WDR72: variants seen among roughly 807,000 people sequenced by gnomAD.
WDR72 encodes WD repeat-containing protein 72.
WDR72 carries 120 observed loss-of-function variants against 124.2 expected under a neutral mutation model. The ratio of observed to expected loss-of-function variants is 0.97; its 90% CI spans 0.83 to 1.12. The LOEUF (loss-of-function observed/expected upper bound fraction) is 1.12, where lower values mean the gene tolerates loss of function less well. Ranked by LOEUF, WDR72 falls within the 50% of genes most tolerant of loss-of-function variation. WDR72 has a pLI of 0.00. For synonymous variants in WDR72, 452 were observed against 441.7 expected (o/e 1.02, Z -0.29); for missense variants, 1,387 against 1,278.8 (o/e 1.08, Z -1.29).
chr15:53,744,055 G>A (rs2018581161), intron 1 of WDR72, among the ~76,000 whole-genome samples: 1 of 151,854 alleles, frequency 6.6e-6, no homozygotes, highest in Non-Finnish European at 1.5e-5. Flanking sequence ...GTGCAGTAAC[G>A]TTTCTGTTTT....
Position 53,715,987 on chromosome 15 carries a change from C to T in WDR72, c.339+620G>A, listed in dbSNP as rs537279019. ...AGTAATGCATTCTACTTTCAACCAG[C>T]TCTCTCTGTGCAGGGTTTTATTTCC... On this transcript the variant is annotated intron_variant, in intron 4 of 19. Transcript: ENST00000360509. 9.8e-5 allele frequency among the ~76,000 whole-genome samples: 15 copies of T among 152,326 alleles called. No homozygotes were observed. The South Asian group carries it at 2.9e-3, about 29-fold the overall frequency.
chr15:53,684,892 G>A (rs1447288215), intron 13 of WDR72, among the ~76,000 whole-genome samples: 1 of 152,202 alleles, frequency 6.6e-6, no homozygotes, highest in Admixed American at 6.5e-5. Flanking sequence ...TCCTCAAGTG[G>A]GTGCCTGACC....
chr15:53,720,020 G>A (rs958125091), intron 3 of WDR72, among the ~76,000 whole-genome samples: 1 of 151,904 alleles, frequency 6.6e-6, no homozygotes, highest in African/African-American at 2.4e-5. Context: ...ATTTTGATTA[G>A]TATACATATG....
chr15:53,514,689 C>G lies in WDR72; in HGVS notation c.*3010G>C, dbSNP rs927167447. 19 of 151,996 alleles carry G rather than the reference C, an allele frequency of 1.3e-4. No homozygotes were observed. Among genetic ancestry groups the G allele is most frequent in the African/African-American group, 4.6e-4 (19 of 41,396 alleles). The allele number at this position is 151,996 out of a possible 1,614,324, so 9.4% of individuals were successfully genotyped here. A position where few individuals can be genotyped will look rare whatever the true frequency, so the allele number is the denominator to read the frequency against. On this transcript the variant is annotated 3_prime_UTR_variant, in exon 20 of 20. Coordinates refer to ENST00000360509, the MANE Select transcript of WDR72 (RefSeq NM_182758.4). ...GTAACAGAATGTTTGATACCTGGGG[C>G]TACTTTTTAACTGTGTGTTTCTAAC...
At chr15:53,744,725 T>C (rs1325431547) in intron 1 of WDR72, among the ~76,000 whole-genome samples, 1 of 152,178 alleles carries the variant, frequency 6.6e-6, no homozygotes, top group Non-Finnish European at 1.5e-5. Flanking sequence ...TAATATTTCT[T>C]ATATGATGTG....
chr15:53,521,361 A>G (rs1891784553), intron 19 of WDR72, among the ~76,000 whole-genome samples: 1 of 152,026 alleles, frequency 6.6e-6, no homozygotes, highest in Non-Finnish European at 1.5e-5. Context: ...ATGACAACCA[A>G]GCCACAAATT....
At chr15:53,688,947 A>G (rs560631078) in intron 13 of WDR72, among the ~76,000 whole-genome samples, 1 of 152,328 alleles carries the variant, frequency 6.6e-6, no homozygotes, top group East Asian at 1.9e-4. Context: ...CAAACCTGAG[A>G]AAAACAAGAA....
At chr15:53,588,459 A>T (rs1021628891) in intron 18 of WDR72, among the ~76,000 whole-genome samples, 5 of 152,020 alleles carry the variant, frequency 3.3e-5, no homozygotes, top group African/African-American at 1.2e-4. Context: ...TAGACATAGT[A>T]AGTGCTTAAT....
chr15:53,652,494 T>C (rs769895742), intron 14 of WDR72, among the ~76,000 whole-genome samples: 23 of 152,172 alleles, frequency 1.5e-4, no homozygotes, highest in Non-Finnish European at 2.6e-4. Context: ...TCTTTGCATC[T>C]GGGAAATGAA....
chr15:53,620,737 G>A (rs1465818327), intron 14 of WDR72, among the ~76,000 whole-genome samples: 1 of 152,016 alleles, frequency 6.6e-6, no homozygotes. Flanking sequence ...CATCAGCCTA[G>A]GCAAGGATTT....
intron 13 of WDR72, among the ~76,000 whole-genome samples, chr15:53,693,629 A>G (rs2016912376): frequency 6.6e-6 from 1 of 152,202 alleles, no homozygotes; most frequent in Non-Finnish European, 1.5e-5. Context: ...TCCACTTTGC[A>G]GTATTGTGGA....
chr15:53,602,142 A>G (rs1400737662), intron 17 of WDR72, among the ~76,000 whole-genome samples: 1 of 152,056 alleles, frequency 6.6e-6, no homozygotes, highest in Non-Finnish European at 1.5e-5. Context: ...AACAGTCACC[A>G]GGACCACAGC....
At chr15:53,582,833 T>G (rs952796825) in intron 18 of WDR72, among the ~76,000 whole-genome samples, 12 of 151,980 alleles carry the variant, frequency 7.9e-5, no homozygotes, top group Non-Finnish European at 1.6e-4. Flanking sequence ...GACTAATAGT[T>G]GGCTTTTATA....
At chr15:53,734,161 C>A (rs12442115) in intron 1 of WDR72, among the ~76,000 whole-genome samples, 42,931 of 152,068 alleles carry the variant, frequency 0.28, 7,494 homozygotes, top group East Asian at 0.45. Flanking sequence ...TACACACACA[C>A]ACACACAAAT....
intron 18 of WDR72, among the ~76,000 whole-genome samples, chr15:53,527,695 TGAATA>T (rs1286547273): frequency 6.6e-5 from 10 of 152,036 alleles, no homozygotes; most frequent in African/African-American, 2.4e-4. Context: ...ATTGGGCAAC[TGAATA>T]GAATAAACCA....
intron 18 of WDR72, among the ~76,000 whole-genome samples, chr15:53,578,297 T>C (rs1052348615): frequency 4.6e-5 from 7 of 152,066 alleles, no homozygotes; most frequent in Non-Finnish European, 1.0e-4. Flanking sequence ...GTTAGGTCAC[T>C]TAACATATAC....
chr15:53,679,079 C>A (rs1246516178), intron 13 of WDR72, among the ~76,000 whole-genome samples: 1 of 152,168 alleles, frequency 6.6e-6, no homozygotes, highest in Non-Finnish European at 1.5e-5. Flanking sequence ...CATGATTCCA[C>A]TTATATGATA....
chr15:53,761,048 C>T (rs758189366), upstream of WDR72, among the ~76,000 whole-genome samples: 2 of 152,050 alleles, frequency 1.3e-5, no homozygotes, highest in African/African-American at 2.4e-5. Flanking sequence ...CACTTGAACC[C>T]GAGAGGTGGA....
At chr15:53,648,154 A>G (rs866306520) in intron 14 of WDR72, among the ~76,000 whole-genome samples, 28 of 152,270 alleles carry the variant, frequency 1.8e-4, no homozygotes, top group African/African-American at 6.7e-4. Context: ...TGTCACTAGT[A>G]GAATAAAAGT....
Sources: allele counts gnomAD v4.1 joint callset (sites outside exome capture counted in the v4.1 genomes callset), GRCh38; gene constraint gnomAD v4.1.1; transcripts MANE v1.5; gene names NCBI Gene and HGNC (gene_info 2026-07-23, HGNC 2026-07-21).